ZBP1: variants seen among roughly 807,000 people sequenced by gnomAD.
ZBP1 encodes the protein Z-DNA binding protein 1.
A neutral mutation model predicts 41.1 loss-of-function variants in ZBP1; 42 were observed. The ratio of observed to expected loss-of-function variants is 1.02; its 90% CI spans 0.80 to 1.32. ZBP1 has a LOEUF of 1.32. Among genes scored for constraint, ZBP1 ranks in the 40% most tolerant of loss-of-function variants. ZBP1 has a pLI of 0.00. For synonymous variants in ZBP1, 214 were observed against 205.2 expected (o/e 1.04, Z -0.37); for missense variants, 562 against 549.7 (o/e 1.02, Z -0.22).
chr20:57,604,865 G>A, intron 7 of ZBP1, 96 bp from the exon 8 acceptor site: 1 of 1,220,460 alleles, frequency 8.2e-7, no homozygotes, highest in South Asian at 1.4e-5. Flanking sequence ...CTCAGCTTGA[G>A]CCTTTGTTGT....
Position 57,615,005 on chromosome 20 carries a change from G to T in ZBP1, c.384C>A (p.Ile128=), listed in dbSNP as rs774963938. The T allele has an allele frequency of 1.2e-6, 2 of 1,614,208 alleles. No individual in the cohort carries two copies. Among genetic ancestry groups the T allele is most frequent in the Non-Finnish European group, 1.7e-6 (2 of 1,180,048 alleles). The part of the protein sequence containing the change: ...KDNGPQRALV[I]AQALGMRTAK... ...CTGTCCTCATTCCCAGTGCTTGGGC[G>T]ATGACCAGGGCCCTCTGGGGACCAT... is the stretch of plus-strand genomic sequence containing the variant. The change falls in exon 4 of 8, where the codon ATC becomes ATA. Residue 128 remains isoleucine, a synonymous_variant. Transcript: ENST00000371173.
At position 57,611,907 on chromosome 20, in the gene ZBP1, G is replaced by T; in HGVS notation, c.694C>A (p.Pro232Thr). The change falls in exon 6 of 8, where the codon CCT (proline) becomes ACT (threonine). Residue 232 changes from proline (P) to threonine (T), a missense_variant. By Grantham distance (38) the Pro-to-Thr change is conservative. Coordinates refer to ENST00000371173, the MANE Select transcript of ZBP1 (RefSeq NM_030776.3). Reference sequence around the variant, plus strand: ...GAGGAATCACCTGGTGCCATTGAAGGGAGGTGGCGTGGACCGGCGGAACCT... The same window carrying T: ...GAGGAATCACCTGGTGCCATTGAAGTGAGGTGGCGTGGACCGGCGGAACCT... ...EDGSAGPRHL[P>T]SMAPGDSSTW... 6.4e-7 allele frequency: 1 copy of T among 1,565,182 alleles called. No homozygotes were observed. The highest frequency in any genetic ancestry group is 1.2e-5 in the South Asian group (1 of 85,138).
intron 4 of ZBP1, 46 bp downstream of exon 4, chr20:57,614,841 T>C: frequency 6.2e-7 from 1 of 1,607,900 alleles, no homozygotes; most frequent in Non-Finnish European, 8.5e-7. Flanking sequence ...AGCACTAGTG[T>C]CATGGTTTCC....
chr20:57,605,918 G>GAGCA lies in ZBP1; in HGVS notation c.1094-1153_1094-1150dup, dbSNP rs200407117. Among the ~76,000 whole-genome samples, 1,181 of 152,138 alleles carry GAGCA rather than the reference G, an allele frequency of 7.8e-3. 11 individuals carry two copies. The highest frequency in any genetic ancestry group is 0.027 in the African/African-American group (1,128 of 41,456). On this transcript the variant is annotated intron_variant, in intron 7 of 7. Coordinates refer to ENST00000371173, the MANE Select transcript of ZBP1 (RefSeq NM_030776.3). ...CATTGCACTCCAGCCTAGACAACGAGAGCAAAACTCCATCTCAAAAATAAA... is the reference window on the plus strand; with the variant it reads ...CATTGCACTCCAGCCTAGACAACGAGAGCAAGCAAAACTCCATCTCAAAAATAAA...
chr20:57,605,906 C>A lies in ZBP1; in HGVS notation c.1094-1137G>T, dbSNP rs148248204. Among the ~76,000 whole-genome samples the A allele has an allele frequency of 5.3e-5, 8 of 152,074 alleles. No individual in the cohort carries two copies. The East Asian group carries it at 1.5e-3, about 29-fold the overall frequency. ...CCAAGATTGTGCCATTGCACTCCAG[C>A]CTAGACAACGAGAGCAAAACTCCAT... On this transcript the variant is annotated intron_variant, in intron 7 of 7. Transcript: ENST00000371173.
At chr20:57,616,139 C>T (rs1371009476) in intron 2 of ZBP1, 105 bp downstream of exon 2, 1 of 1,049,730 alleles carries the variant, frequency 9.5e-7, no homozygotes, top group Admixed American at 2.2e-5. Context: ...CCTGTGAGCT[C>T]CCATGTGGCA....
At position 57,613,775 on chromosome 20, in the gene ZBP1, G is replaced by T. The variant is rs534678659; in HGVS notation, c.503-445C>A. Among the ~76,000 whole-genome samples, 1 of 152,242 alleles carries T rather than the reference G, an allele frequency of 6.6e-6. No individual in the cohort carries two copies. The highest frequency in any genetic ancestry group is 2.4e-5 in the African/African-American group (1 of 41,468). ...TTTTCAATATTTGAATTTGTCACTAGTGTTTAAAATCTGGTGGCTGTCACG... is the reference window on the plus strand; with the variant it reads ...TTTTCAATATTTGAATTTGTCACTATTGTTTAAAATCTGGTGGCTGTCACG... On this transcript the variant is annotated intron_variant, in intron 4 of 7. Coordinates refer to ENST00000371173, the MANE Select transcript of ZBP1 (RefSeq NM_030776.3). The surrounding 1 kb of genome is among the most constrained non-coding windows in gnomAD (Gnocchi z 4.5).
chr20:57,609,430 G>A (rs1200611899), intron 7 of ZBP1, among the ~76,000 whole-genome samples: 3 of 152,070 alleles, frequency 2.0e-5, no homozygotes, highest in Non-Finnish European at 4.4e-5. Flanking sequence ...TGACACAGGC[G>A]GCACTTCCCA....
chr20:57,611,310 T>G (rs972256665), intron 6 of ZBP1, among the ~76,000 whole-genome samples: 1 of 151,918 alleles, frequency 6.6e-6, no homozygotes, highest in Non-Finnish European at 1.5e-5. Flanking sequence ...AGTGGTGCGA[T>G]CTCCGTTTAC....
rs2146550118 is a variant in ZBP1 at position 57,604,536 on chromosome 20, C to G, written c.*37G>C. 6.2e-7 allele frequency: 1 copy of G among 1,606,300 alleles called. No homozygotes were observed. Among genetic ancestry groups the G allele is most frequent in the South Asian group, 1.1e-5 (1 of 90,038 alleles). ...GCTAGTCTCCCTAGCATGCGCCCAC[C>G]CCCAGCCTGTGTCCAAGCCCCACGT... On this transcript the variant is annotated 3_prime_UTR_variant, in exon 8 of 8. Coordinates refer to ENST00000371173, the MANE Select transcript of ZBP1 (RefSeq NM_030776.3).
At chr20:57,606,964 G>T in intron 7 of ZBP1, 2 of 1,191,274 alleles carry the variant, frequency 1.7e-6, no homozygotes, top group Non-Finnish European at 2.1e-6. Flanking sequence ...GGGCTCTGAT[G>T]GAGATGTAAA....
At chr20:57,608,174 T>C (rs1349208470) in intron 7 of ZBP1, among the ~76,000 whole-genome samples, 2 of 151,368 alleles carry the variant, frequency 1.3e-5, no homozygotes, top group East Asian at 2.0e-4. Flanking sequence ...CAGGCTGGAG[T>C]GCAGTGGCAT....
At chr20:57,611,178 CA>C (rs1421638195) in intron 6 of ZBP1, among the ~76,000 whole-genome samples, 1 of 152,182 alleles carries the variant, frequency 6.6e-6, no homozygotes, top group Non-Finnish European at 1.5e-5. Context: ...GCTCATTTTA[CA>C]AATGAGGAAA....
At chr20:57,617,564 T>C (rs1036359264) in intron 1 of ZBP1, 1 of 152,370 alleles carries the variant, frequency 6.6e-6, no homozygotes, top group African/African-American at 2.4e-5. Context: ...AATGAATGAA[T>C]GAATGAATGG....
Position 57,604,516 on chromosome 20 carries a change from T to A in ZBP1, c.*57A>T. ...AGGAATGCAGAGAGCAGCAGGCTAG[T>A]CTCCCTAGCATGCGCCCACCCCCAG... On this transcript the variant is annotated 3_prime_UTR_variant, in exon 8 of 8. Coordinates refer to ENST00000371173, the MANE Select transcript of ZBP1 (RefSeq NM_030776.3). 6.4e-7 allele frequency: 1 copy of A among 1,562,372 alleles called. No homozygotes were observed. The highest frequency in any genetic ancestry group is 8.8e-7 in the Non-Finnish European group (1 of 1,134,650).
intron 7 of ZBP1, among the ~76,000 whole-genome samples, chr20:57,607,820 G>A (rs1352423730): frequency 6.6e-6 from 1 of 152,202 alleles, no homozygotes; most frequent in African/African-American, 2.4e-5. Flanking sequence ...TAGCAATAAA[G>A]TATTTTAAAA....
In ZBP1 at chr20:57,616,444, T is replaced by C. The variant is rs141472498; in HGVS notation, c.59A>G (p.Gln20Arg). 5.6e-6 allele frequency: 9 copies of C among 1,613,634 alleles called. No homozygotes were observed. In the African/African-American group the frequency reaches 1.2e-4, roughly 22 times the overall value. The change falls in exon 2 of 8, where the codon CAG becomes CGG. Residue 20 changes from glutamine to arginine, a missense_variant. Gln to Arg is a conservative substitution (Grantham distance 43, BLOSUM62 1). Transcript: ENST00000371173. The part of the protein sequence containing the change: ...REGHLEQRIL[Q>R]VLTEAGSPVK... ...CGGGGAGCCAGCCTCTGTCAGCACCTGCAGGATTCTTTGTTCAAGGTGGCC... is the reference window on the plus strand; with the variant it reads ...CGGGGAGCCAGCCTCTGTCAGCACCCGCAGGATTCTTTGTTCAAGGTGGCC...
At chr20:57,618,639 T>G (rs1600748586) in intron 1 of ZBP1, among the ~76,000 whole-genome samples, 1 of 152,220 alleles carries the variant, frequency 6.6e-6, no homozygotes, top group South Asian at 2.1e-4. Context: ...GCGGCTGCAG[T>G]GGTGTGATCT....
At chr20:57,609,342 G>T (rs760822509) in intron 7 of ZBP1, among the ~76,000 whole-genome samples, 1 of 152,152 alleles carries the variant, frequency 6.6e-6, no homozygotes, top group African/African-American at 2.4e-5. Flanking sequence ...ACGGTGAACC[G>T]CACTGGTTTC....
Sources: gnomAD v4.1 joint callset for allele counts (sites outside exome capture counted in the v4.1 genomes callset) on GRCh38, gnomAD v4.1.1 for gene constraint, Gnocchi (gnomAD v3.1) non-coding constraint, MANE v1.5 for transcripts, NCBI Gene and HGNC (gene_info 2026-07-23, HGNC 2026-07-21) for gene names.